The following SHOC1 variants were observed in gnomAD, a reference collection of about 807,000 sequenced individuals.
SHOC1 encodes the protein shortage in chiasmata 1.
A neutral mutation model predicts 179.2 loss-of-function variants in SHOC1; 136 were observed. The ratio of observed to expected loss-of-function variants is 0.76; its 90% confidence interval spans 0.66 to 0.87. The LOEUF (loss-of-function observed/expected upper bound fraction) is 0.87. Among genes scored for constraint, SHOC1 ranks in the 40% least tolerant of loss-of-function variants. The pLI is 0.00. For missense variants in SHOC1, 1,538 were observed against 1,700.8 expected (o/e 0.90, Z 1.68); for synonymous variants, 489 against 586.6 (o/e 0.83, Z 2.41).
intron 15 of SHOC1, among the ~76,000 whole-genome samples, chr9:111,720,736 A>T (rs1833001857): frequency 6.6e-6 from 1 of 152,172 alleles, no homozygotes; most frequent in Non-Finnish European, 1.5e-5. Context: ...TTAATCTGCC[A>T]TTAATTGCAT....
intron 11 of SHOC1, among the ~76,000 whole-genome samples, chr9:111,740,787 G>A (rs570768378): frequency 1.8e-4 from 28 of 152,298 alleles, no homozygotes; most frequent in African/African-American, 6.3e-4. Context: ...GGCCAGACTG[G>A]TCTCGAACTC....
chr9:111,689,423 G>C (rs1831327319), intron 27 of SHOC1, among the ~76,000 whole-genome samples: 1 of 151,142 alleles, frequency 6.6e-6, no homozygotes, highest in African/African-American at 2.4e-5. Flanking sequence ...AAGCAATGTA[G>C]TAAGTAATTA....
intron 23 of SHOC1, 30 bp from the exon 24 acceptor site, chr9:111,700,077 T>TG: frequency 9.2e-7 from 1 of 1,085,268 alleles, no homozygotes; most frequent in Non-Finnish European, 1.4e-6. Context: ...TATATTTCTA[T>TG]TCATTTGATA....
chr9:111,790,556 T>C (rs1386680053), intron 2 of SHOC1, among the ~76,000 whole-genome samples: 1 of 152,240 alleles, frequency 6.6e-6, no homozygotes, highest in Non-Finnish European at 1.5e-5. Context: ...AAAGTGGCTT[T>C]TTTTTTGAGA....
In SHOC1 at chr9:111,718,196, C is replaced by T. The variant is rs768926140; in HGVS notation, c.2224G>A (p.Asp742Asn). The T allele has an allele frequency of 1.3e-6, 2 of 1,594,326 alleles. No individual in the cohort carries two copies. Among genetic ancestry groups the T allele is most frequent in the African/African-American group, 1.4e-5 (1 of 73,808 alleles). Reference sequence around the variant, plus strand: ...ATTCCCCACCAACCCAATGCTGTGTCCAAGCTGCATGTTAAAAGGACATCT... The same window carrying T: ...ATTCCCCACCAACCCAATGCTGTGTTCAAGCTGCATGTTAAAAGGACATCT... ...IRDVLLTCSL[D>N]TALGYLSKAK... The change falls in exon 16 of 28, where the codon GAC becomes AAC. Residue 742 changes from aspartate to asparagine, a missense_variant. Asp to Asn is a conservative substitution (Grantham distance 23). Coordinates refer to ENST00000682961, the MANE Select transcript of SHOC1 (RefSeq NM_001378211.1).
intron 12 of SHOC1, among the ~76,000 whole-genome samples, chr9:111,735,453 TGTTA>T (rs1833774074): frequency 6.6e-6 from 1 of 152,062 alleles, no homozygotes; most frequent in Non-Finnish European, 1.5e-5. Flanking sequence ...TCTGTTCCTG[TGTTA>T]GTTTGCTGAG....
At chr9:111,741,217 C>T (rs1288739481) in intron 11 of SHOC1, among the ~76,000 whole-genome samples, 1 of 151,916 alleles carries the variant, frequency 6.6e-6, no homozygotes, top group Non-Finnish European at 1.5e-5. Flanking sequence ...GTTTTATGTA[C>T]TACTTGTATT....
rs78850013 is a variant in SHOC1 at position 111,768,836 on chromosome 9, T to C, written c.442+6955A>G. Among the ~76,000 whole-genome samples, 1,324 of 152,118 alleles carry C rather than the reference T, an allele frequency of 8.7e-3. 21 individuals carry two copies. The highest frequency in any genetic ancestry group is 0.03 in the African/African-American group (1,256 of 41,536). ...CTGAAAATGGACATCGTTGTCTTATTTCAGTCCTTAGAAGAAAGACCTTCA... is the reference window on the plus strand; with the variant it reads ...CTGAAAATGGACATCGTTGTCTTATCTCAGTCCTTAGAAGAAAGACCTTCA... On this transcript the variant is annotated intron_variant, in intron 5 of 27. Coordinates refer to ENST00000682961, the MANE Select transcript of SHOC1 (RefSeq NM_001378211.1).
At chr9:111,700,485 TG>T (rs1191476791) in intron 23 of SHOC1, among the ~76,000 whole-genome samples, 13 of 152,200 alleles carry the variant, frequency 8.5e-5, no homozygotes, top group Admixed American at 8.5e-4. Context: ...TTTCCTTCTG[TG>T]GTTACTAAGC....
intron 4 of SHOC1, among the ~76,000 whole-genome samples, chr9:111,779,820 A>G (rs1440045827): frequency 6.6e-6 from 1 of 152,210 alleles, no homozygotes; most frequent in Non-Finnish European, 1.5e-5. Flanking sequence ...TCATATGTAC[A>G]GTAAAGTTTG....
intron 8 of SHOC1, among the ~76,000 whole-genome samples, chr9:111,755,771 T>C (rs1476520707): frequency 1.3e-5 from 2 of 152,132 alleles, no homozygotes; most frequent in Admixed American, 6.5e-5. Context: ...TAGTTTTATT[T>C]GTATAATTAT....
At chr9:111,715,069 A>G (rs1832724015) in intron 16 of SHOC1, among the ~76,000 whole-genome samples, 1 of 152,318 alleles carries the variant, frequency 6.6e-6, no homozygotes, top group African/African-American at 2.4e-5. Flanking sequence ...AACATGTGGT[A>G]TTTATACATA....
At chr9:111,786,503 ATTT>A (rs34413616) in intron 2 of SHOC1, among the ~76,000 whole-genome samples, 22,174 of 109,978 alleles carry the variant, frequency 0.2, 2,042 homozygotes, top group Non-Finnish European at 0.24. Context: ...TGCTCTGCAG[ATTT>A]TTTTTTTTTT....
At chr9:111,715,733 A>G (rs1226144216) in intron 16 of SHOC1, among the ~76,000 whole-genome samples, 2 of 152,108 alleles carry the variant, frequency 1.3e-5, no homozygotes, top group African/African-American at 4.8e-5. Flanking sequence ...CTTTTATACT[A>G]TATCTACTTG....
Position 111,691,766 on chromosome 9 carries a change from T to G in SHOC1, c.4211A>C (p.Glu1404Ala). ...ACTTTCACATGTGAGGCCTTCAGAC[T>G]CATCTGATAGACATTTTTGCTGATC... ...FTDQQKCLSD[E>A]SEGLTCESSK... Residue 1404 changes from glutamate to alanine, a missense_variant, in exon 27 of 28, where the codon GAG becomes GCG. By Grantham distance (107) the Glu-to-Ala change is moderately radical. Transcript: ENST00000682961. 6.2e-7 allele frequency: 1 copy of G among 1,613,998 alleles called. No homozygotes were observed. The highest frequency in any genetic ancestry group is 1.1e-5 in the South Asian group (1 of 91,082).
At chr9:111,702,972 C>T (rs904121322) in intron 22 of SHOC1, among the ~76,000 whole-genome samples, 2 of 152,078 alleles carry the variant, frequency 1.3e-5, no homozygotes, top group Non-Finnish European at 2.9e-5. Context: ...TAGCTGGGTG[C>T]AGTGGAGCGT....
chr9:111,693,720 A>T, intron 26 of SHOC1, 79 bp downstream of exon 26: 1 of 938,814 alleles, frequency 1.1e-6, no homozygotes, highest in Non-Finnish European at 1.5e-6. Context: ...CCTTCATTTT[A>T]AAAATCCTAT....
chr9:111,692,257 T>A lies in SHOC1; in HGVS notation c.3720A>T (p.Ser1240=). The A allele has an allele frequency of 6.2e-7, 1 of 1,612,488 alleles. No homozygotes were observed. Among genetic ancestry groups the A allele is most frequent in the South Asian group, 1.1e-5 (1 of 91,048 alleles). ...ATGAAGTCACAGGTGGTAAAAAACT[T>A]GAGATTTCTTTTAGTTCCATAATGG... ...NSSIMELKEI[S]SFLPPVTSYN... Residue 1240 remains serine, a synonymous_variant, in exon 27 of 28, where the codon TCA becomes TCT. Coordinates refer to ENST00000682961, the MANE Select transcript of SHOC1 (RefSeq NM_001378211.1).
At position 111,727,661 on chromosome 9, in the gene SHOC1, A is replaced by C. The variant is rs1389691751; in HGVS notation, c.1806T>G (p.Thr602=). Residue 602 remains threonine (T), a synonymous_variant, in exon 13 of 28, where the codon ACT becomes ACG. Coordinates refer to ENST00000682961, the MANE Select transcript of SHOC1 (RefSeq NM_001378211.1). ...GTTTTTCATCACTGTTTGTGACTTC[A>C]GTCTTTGAGGTGCAAGTCTTATATT... The part of the protein sequence containing the change: ...RNKYKTCTSK[T]EVTNSDEKHD... The C allele has an allele frequency of 1.9e-6, 3 of 1,589,710 alleles. No homozygotes were observed. Among genetic ancestry groups the C allele is most frequent in the African/African-American group, 1.4e-5 (1 of 73,406 alleles).
Sources: gnomAD v4.1 joint callset for allele counts (sites outside exome capture counted in the v4.1 genomes callset) on GRCh38, gnomAD v4.1.1 for gene constraint, MANE v1.5 for transcripts, NCBI Gene and HGNC (gene_info 2026-07-23, HGNC 2026-07-21) for gene names.